The following PHACTR3 variants were observed in gnomAD, a reference collection of about 807,000 sequenced individuals.
PHACTR3 encodes protein phosphatase 1, regulatory subunit 123.
A neutral mutation model predicts 66.8 loss-of-function variants in PHACTR3; 16 were observed. The ratio of observed to expected loss-of-function variants is 0.24; its 90% CI spans 0.16 to 0.36. PHACTR3 has a LOEUF of 0.36. Ranked by LOEUF, PHACTR3 falls within the 10% of genes least tolerant of loss-of-function variation. The probability of loss-of-function intolerance (pLI) is 1.00; values close to 1 mark genes in which losing one functional copy is unlikely to be tolerated. For missense variants in PHACTR3, 647 were observed against 719.9 expected (o/e 0.90, Z 1.16); for synonymous variants, 323 against 292.1 (o/e 1.11, Z -1.08).
In PHACTR3 at chr20:59,595,319, C is replaced by T. The variant is rs551306559; in HGVS notation, c.109+17702C>T. ...CTACTAAAAAATACAAAACTTAGCC[C>T]GGCATGGTGGTGCACGCCTGTAGTC... On this transcript the variant is annotated intron_variant, in intron 1 of 12. Coordinates refer to the PHACTR3 transcript ENST00000359926. Among the ~76,000 whole-genome samples, 22 of 152,134 alleles carry T rather than the reference C, an allele frequency of 1.4e-4. No homozygotes were observed. The East Asian group carries it at 1.5e-3, about 11-fold the overall frequency.
chr20:59,639,051 A>G (rs1308924583), intron 1 of PHACTR3, among the ~76,000 whole-genome samples: 2 of 121,074 alleles, frequency 1.7e-5, no homozygotes, highest in Admixed American at 1.7e-4. Flanking sequence ...GGATAAATGG[A>G]GATGGATAGA....
chr20:59,743,108 T>G lies in PHACTR3; in HGVS notation c.120T>G (p.Asp40Glu). ...ACCCCCTTGGTTTTCGTCTTCCAGA[T>G]GAGATGGACCAAACGCCCCCGGCGC... The part of the protein sequence containing the change: ...TSSADAGENP[D>E]EMDQTPPARP... Residue 40 changes from aspartate (D) to glutamate (E), a missense_variant and splice_region_variant, in exon 2 of 13, where the codon GAT becomes GAG. By Grantham distance (45) the Asp-to-Glu change is conservative. This residue lies in a region of PHACTR3 where 577 missense variants were observed against 571.1 expected (regional missense o/e 1.01). Coordinates refer to ENST00000371015, the MANE Select transcript of PHACTR3 (RefSeq NM_080672.5). 6.2e-7 allele frequency: 1 copy of G among 1,612,158 alleles called. No homozygotes were observed. Among genetic ancestry groups the G allele is most frequent in the Non-Finnish European group, 8.5e-7 (1 of 1,179,080 alleles).
rs114332861 is a variant in PHACTR3 at position 59,660,557 on chromosome 20, A to G, written c.118+55425A>G. Among the ~76,000 whole-genome samples the G allele has an allele frequency of 4.5e-3, 687 of 152,360 alleles. 6 individuals are homozygous for G. Among genetic ancestry groups the G allele is most frequent in the African/African-American group, 0.016 (659 of 41,586 alleles). ...GGGCTTCTTCACATTCTAATCTGTC[A>G]TCTGGCCACCAGAATTTCATTAAAG... On this transcript the variant is annotated intron_variant, in intron 1 of 12. Coordinates refer to ENST00000371015, the MANE Select transcript of PHACTR3 (RefSeq NM_080672.5).
chr20:59,821,250 C>T (rs568382767), intron 8 of PHACTR3, among the ~76,000 whole-genome samples: 5 of 152,154 alleles, frequency 3.3e-5, no homozygotes, highest in South Asian at 4.1e-4. Flanking sequence ...CCAGACCGCA[C>T]GTTAGAGCCA....
At chr20:59,726,972 G>GTACA (rs1555824773) in intron 1 of PHACTR3, among the ~76,000 whole-genome samples, 1 of 152,142 alleles carries the variant, frequency 6.6e-6, no homozygotes, top group Non-Finnish European at 1.5e-5. Flanking sequence ...TAACCAAAGA[G>GTACA]TACAGTTCAG....
chr20:59,734,629 T>G (rs545081155), intron 1 of PHACTR3, among the ~76,000 whole-genome samples: 1 of 152,014 alleles, frequency 6.6e-6, no homozygotes, highest in South Asian at 2.1e-4. Flanking sequence ...CTTTGTGTAG[T>G]GTGTGTGTGT....
intron 11 of PHACTR3, chr20:59,844,115 CGATGA>C (rs964784761): frequency 6.6e-6 from 1 of 151,798 alleles, no homozygotes; most frequent in African/African-American, 2.4e-5. Context: ...ATCAAAACCA[CGATGA>C]GATATCATCT....
intron 8 of PHACTR3, among the ~76,000 whole-genome samples, chr20:59,814,844 G>A (rs75681346): frequency 0.032 from 4,809 of 152,036 alleles, 254 homozygotes; most frequent in African/African-American, 0.11. Flanking sequence ...ATTTTTTCTT[G>A]TTCTGAAGCC....
chr20:59,836,644 C>T, intron 9 of PHACTR3, 84 bp downstream of exon 9: 2 of 1,368,474 alleles, frequency 1.5e-6, no homozygotes, highest in Non-Finnish European at 1.0e-6. Context: ...ATAACCCAGC[C>T]CTTCTCTGCA....
In PHACTR3 at chr20:59,629,662, C is replaced by T. The variant is rs531017171; in HGVS notation, c.118+24530C>T. On this transcript the variant is annotated intron_variant, in intron 1 of 12. Transcript: ENST00000371015. ...CCCCAGAAGATCTGGAGGCTTCCAT[C>T]TTCTGCTCCTTATCAGACAATGGAG... Among the ~76,000 whole-genome samples, 51 of 152,360 alleles carry T rather than the reference C, an allele frequency of 3.3e-4. No homozygotes were observed. In the East Asian group the frequency reaches 9.5e-3, roughly 28 times the overall value.
chr20:59,769,081 C>G (rs763108946), intron 5 of PHACTR3, among the ~76,000 whole-genome samples: 6 of 152,250 alleles, frequency 3.9e-5, no homozygotes, highest in Non-Finnish European at 5.9e-5. Context: ...AACATTCTCC[C>G]TTCCTGCTTT....
intron 7 of PHACTR3, among the ~76,000 whole-genome samples, chr20:59,794,607 A>C (rs748370316): frequency 6.6e-6 from 1 of 152,168 alleles, no homozygotes; most frequent in Non-Finnish European, 1.5e-5. Context: ...ATAGTTTAGG[A>C]AGAACTGATA....
At chr20:59,715,154 G>A (rs1031903374) in intron 1 of PHACTR3, among the ~76,000 whole-genome samples, 4 of 151,630 alleles carry the variant, frequency 2.6e-5, no homozygotes, top group African/African-American at 4.8e-5. Context: ...TGTTGTTCTG[G>A]TTAAAACCTC....
At chr20:59,835,941 A>G (rs2042513080) in intron 8 of PHACTR3, 1 of 152,184 alleles carries the variant, frequency 6.6e-6, no homozygotes, top group African/African-American at 2.4e-5. Context: ...ACGTCTTTAG[A>G]CACTCCCCCT....
Position 59,737,421 on chromosome 20 carries a change from C to T in PHACTR3, c.119-5686C>T, listed in dbSNP as rs142009050. On this transcript the variant is annotated intron_variant, in intron 1 of 12. Coordinates refer to ENST00000371015, the MANE Select transcript of PHACTR3 (RefSeq NM_080672.5). ...GGGCCTGCAGTCAGGAGCTTCAGCTCGGGGCATGGGCAGGAGGAGTGGAGA... is the reference window on the plus strand; with the variant it reads ...GGGCCTGCAGTCAGGAGCTTCAGCTTGGGGCATGGGCAGGAGGAGTGGAGA... Among the ~76,000 whole-genome samples the T allele has an allele frequency of 2.8e-3, 430 of 152,274 alleles. 3 individuals carry two copies. The highest frequency in any genetic ancestry group is 5.4e-3 in the Non-Finnish European group (367 of 68,028).
At chr20:59,577,867 C>T (rs1038336154) in intron 1 of PHACTR3, among the ~76,000 whole-genome samples, 1 of 152,216 alleles carries the variant, frequency 6.6e-6, no homozygotes, top group Non-Finnish European at 1.5e-5. Context: ...GGGTCAGAAG[C>T]GCTGGCGTTG....
rs1219883062 is a variant in PHACTR3 at position 59,605,023 on chromosome 20, G to T, written c.9G>T (p.Ala3=). Residue 3 remains alanine, a synonymous_variant, in exon 1 of 13, where the codon GCG becomes GCT. Transcript: ENST00000371015. Reference sequence around the variant, plus strand: ...CCGCGCCGGCCGGGCCCATGGCCGCGTCGGAGGACGGGAGCGGCTGCCTCG... The same window carrying T: ...CCGCGCCGGCCGGGCCCATGGCCGCTTCGGAGGACGGGAGCGGCTGCCTCG... The part of the protein sequence containing the change: MA[A]SEDGSGCLVS... The T allele has an allele frequency of 1.2e-5, 16 of 1,335,574 alleles. No homozygotes were observed. In the East Asian group the frequency reaches 2.8e-4, roughly 23 times the overall value. 82.7% of individuals were successfully genotyped at this position (1,335,574 alleles called of 1,614,324 possible). A position where few individuals can be genotyped will look rare whatever the true frequency, so the allele number is the denominator to read the frequency against.
intron 1 of PHACTR3, among the ~76,000 whole-genome samples, chr20:59,674,695 G>GTCCCC (rs2036358533): frequency 3.0e-5 from 1 of 33,236 alleles, no homozygotes; most frequent in Non-Finnish European, 4.7e-5. Flanking sequence ...TCCTGTTCCT[G>GTCCCC]CCTTCTCCTG....
chr20:59,837,614 TAAAGA>T (rs1011776289), intron 9 of PHACTR3, among the ~76,000 whole-genome samples: 7 of 152,238 alleles, frequency 4.6e-5, no homozygotes, highest in African/African-American at 1.7e-4. Flanking sequence ...TCTGAGGATT[TAAAGA>T]AAAGCTCTTC....
Sources: allele counts gnomAD v4.1 joint callset (sites outside exome capture counted in the v4.1 genomes callset), GRCh38; gene constraint gnomAD v4.1.1; regional missense constraint gnomAD v4.1.1; transcripts MANE v1.5; gene names NCBI Gene and HGNC (gene_info 2026-07-23, HGNC 2026-07-21).